Variants in PLXDC2 observed in about 807,000 individuals in gnomAD.
The protein encoded by PLXDC2 is plexin domain containing 2.
Under a neutral mutation model 68.9 loss-of-function variants are expected in PLXDC2, and 40 were observed. The ratio of observed to expected loss-of-function variants is 0.58; its 90% CI spans 0.45 to 0.76. The LOEUF (loss-of-function observed/expected upper bound fraction) is 0.76, where lower values mean the gene tolerates loss of function less well. PLXDC2 is among the 30% of genes least tolerant of loss of function. The probability of loss-of-function intolerance (pLI) is 0.00; values close to 1 mark genes in which losing one functional copy is unlikely to be tolerated. For synonymous variants in PLXDC2, 243 were observed against 234.2 expected, an observed-to-expected ratio of 1.04 and a Z score of -0.34; for missense variants, 644 against 661.9, an observed-to-expected ratio of 0.97 and a Z score of 0.30.
intron 1 of PLXDC2, among the ~76,000 whole-genome samples, chr10:19,944,845 G>A (rs1266865256): frequency 3.9e-5 from 6 of 152,132 alleles, no homozygotes; most frequent in Admixed American, 1.3e-4. Flanking sequence ...CCAGCCACTC[G>A]GGAGGCTGAG....
chr10:20,223,972 A>ATT (rs10561584), intron 12 of PLXDC2, among the ~76,000 whole-genome samples: 7 of 133,454 alleles, frequency 5.2e-5, no homozygotes, highest in East Asian at 4.5e-4. Context: ...CCTAGAATGT[A>ATT]TTTTTTTTTT....
At chr10:19,909,109 T>G (rs570193182) in intron 1 of PLXDC2, among the ~76,000 whole-genome samples, 254 of 152,216 alleles carry the variant, frequency 1.7e-3, no homozygotes, top group Non-Finnish European at 2.9e-3. Context: ...ATAGTGTGAG[T>G]TACTACTCAG....
At chr10:20,246,357 G>A (rs567966189) in intron 13 of PLXDC2, among the ~76,000 whole-genome samples, 1 of 152,016 alleles carries the variant, frequency 6.6e-6, no homozygotes, top group East Asian at 1.9e-4. Context: ...GGTTTTTTTT[G>A]TTTGTTTGTT....
At chr10:19,922,842 T>C (rs565367396) in intron 1 of PLXDC2, among the ~76,000 whole-genome samples, 4 of 152,218 alleles carry the variant, frequency 2.6e-5, no homozygotes, top group Non-Finnish European at 5.9e-5. Context: ...CACTGACTCA[T>C]TGAACTATTT....
chr10:19,929,188 G>A (rs1365278826), intron 1 of PLXDC2, among the ~76,000 whole-genome samples: 1 of 151,820 alleles, frequency 6.6e-6, no homozygotes, highest in Non-Finnish European at 1.5e-5. Context: ...ACACCAGCCT[G>A]GCCAATGTGG....
At chr10:20,182,826 C>A (rs1214046529) in intron 9 of PLXDC2, among the ~76,000 whole-genome samples, 1 of 151,926 alleles carries the variant, frequency 6.6e-6, no homozygotes, top group Non-Finnish European at 1.5e-5. Context: ...ACATATTTGT[C>A]CTACTGCTGT....
intron 6 of PLXDC2, among the ~76,000 whole-genome samples, chr10:20,149,709 A>G (rs930004164): frequency 6.6e-6 from 1 of 152,066 alleles, no homozygotes; most frequent in East Asian, 1.9e-4. Context: ...GCTAAGGATA[A>G]TGGCCTCCAG....
In PLXDC2 at chr10:20,285,109, TA is replaced by T. The variant is rs1370680106; in HGVS notation, c.*5291del. On this transcript the variant is annotated 3_prime_UTR_variant, in exon 14 of 14. Transcript: ENST00000377252. Reference sequence around the variant, plus strand: ...CTATATAGCTGATTTTCTGACCACATATATAATTGCAATTTTTATTTGCTCT... The same window carrying T: ...CTATATAGCTGATTTTCTGACCACATTATAATTGCAATTTTTATTTGCTCT... The T allele has an allele frequency of 5.9e-5, 9 of 152,232 alleles. No individual in the cohort carries two copies. The highest frequency in any genetic ancestry group is 5.2e-4 in the Admixed American group (8 of 15,286). The allele number at this position is 152,232 out of a possible 1,614,324, so 9.4% of individuals were successfully genotyped here.
In PLXDC2 at chr10:20,276,260, G is replaced by A. The variant is rs185837524; in HGVS notation, c.1474-3443G>A. Among the ~76,000 whole-genome samples the A allele has an allele frequency of 7.2e-5, 11 of 152,248 alleles. No homozygotes were observed. The South Asian group carries it at 1.7e-3, about 23-fold the overall frequency. On this transcript the variant is annotated intron_variant, in intron 13 of 13. Transcript: ENST00000377252. ...TCTAACCCAACACAAAACCCTCTCT[G>A]TGTTGCTCTCTGAACTGGAAGAAAG... is the stretch of plus-strand genomic sequence containing the variant.
intron 9 of PLXDC2, among the ~76,000 whole-genome samples, chr10:20,206,188 AAG>A (rs1295269871): frequency 1.3e-5 from 2 of 152,146 alleles, no homozygotes; most frequent in African/African-American, 2.4e-5. Context: ...TTCAAAAAAA[AAG>A]AAAAATAACT....
At chr10:19,826,453 G>A (rs1321161255) in intron 1 of PLXDC2, among the ~76,000 whole-genome samples, 1 of 152,040 alleles carries the variant, frequency 6.6e-6, no homozygotes, top group Non-Finnish European at 1.5e-5. Flanking sequence ...AAACAGGAGG[G>A]TCATTTTAGT....
At chr10:20,141,211 T>C (rs1276777253) in intron 4 of PLXDC2, among the ~76,000 whole-genome samples, 2 of 152,070 alleles carry the variant, frequency 1.3e-5, no homozygotes, top group Admixed American at 6.6e-5. Context: ...GATTTAAAAA[T>C]TGGGTTATTG....
At position 20,082,070 on chromosome 10, in the gene PLXDC2, A is replaced by AAAAAAAAAAAAAAAC. The variant is rs1554765383; in HGVS notation, c.541+13837_541+13838insAAAAAAAACAAAAAA. Reference sequence around the variant, plus strand: ...GAAAAAAAAAAAAAAAAATCAAAAAAAAAAAACAGGAGAAGTCTGAGAAAC... The same window carrying AAAAAAAAAAAAAAAC: ...GAAAAAAAAAAAAAAAAATCAAAAAAAAAAAAAAAAAAAACAAAAAACAGGAGAAGTCTGAGAAAC... On this transcript the variant is annotated intron_variant, in intron 4 of 13. Coordinates refer to ENST00000377252, the MANE Select transcript of PLXDC2 (RefSeq NM_032812.9). Among the ~76,000 whole-genome samples, 51 of 121,982 alleles carry AAAAAAAAAAAAAAAC rather than the reference A, an allele frequency of 4.2e-4. 5 individuals carry two copies. Among genetic ancestry groups the AAAAAAAAAAAAAAAC allele is most frequent in the South Asian group, 1.2e-3 (4 of 3,362 alleles). The allele number at this position is 121,982 out of a possible 152,430, so 80.0% of individuals were successfully genotyped here.
chr10:19,882,331 T>A (rs1837742912), intron 1 of PLXDC2, among the ~76,000 whole-genome samples: 1 of 152,076 alleles, frequency 6.6e-6, no homozygotes, highest in African/African-American at 2.4e-5. Context: ...AGTATGCCAA[T>A]AAAGACAAAG....
chr10:20,073,667 T>C, intron 4 of PLXDC2, among the ~76,000 whole-genome samples: 1 of 152,198 alleles, frequency 6.6e-6, no homozygotes, highest in East Asian at 1.9e-4. Context: ...TCTTTCTATG[T>C]CAAAAATACT....
intron 1 of PLXDC2, among the ~76,000 whole-genome samples, chr10:19,948,934 G>A (rs1034922290): frequency 7.3e-5 from 11 of 151,508 alleles, no homozygotes; most frequent in African/African-American, 1.2e-4. Context: ...GATCGAGATC[G>A]TCCTAGCCAA....
chr10:20,242,311 T>A (rs1835527086), intron 12 of PLXDC2, among the ~76,000 whole-genome samples: 1 of 152,196 alleles, frequency 6.6e-6, no homozygotes, highest in Non-Finnish European at 1.5e-5. Flanking sequence ...GTAATTTGTC[T>A]CAACCTGCCT....
intron 1 of PLXDC2, among the ~76,000 whole-genome samples, chr10:19,978,634 A>C (rs1035363892): frequency 1.3e-5 from 2 of 152,234 alleles, no homozygotes; most frequent in Admixed American, 1.3e-4. Flanking sequence ...AGTTTCAGAA[A>C]TATAGCAATA....
chr10:20,221,953 T>C lies in PLXDC2; in HGVS notation c.1312+2851T>C, dbSNP rs1014871479. On this transcript the variant is annotated intron_variant, in intron 12 of 13. Coordinates refer to ENST00000377252, the MANE Select transcript of PLXDC2 (RefSeq NM_032812.9). Reference sequence around the variant, plus strand: ...CTGTTTTTTAAAATAAGTTTTATTATGTATATTTGAGGTTTACAACATGAA... The same window carrying C: ...CTGTTTTTTAAAATAAGTTTTATTACGTATATTTGAGGTTTACAACATGAA... 1.4e-4 allele frequency among the ~76,000 whole-genome samples: 22 copies of C among 152,212 alleles called. 1 individual carries two copies. Among genetic ancestry groups the C allele is most frequent in the Non-Finnish European group, 4.4e-5 (3 of 68,040 alleles).
Sources: gnomAD v4.1 joint callset for allele counts (sites outside exome capture counted in the v4.1 genomes callset) on GRCh38, gnomAD v4.1.1 for gene constraint, MANE v1.5 for transcripts, NCBI Gene and HGNC (gene_info 2026-07-23, HGNC 2026-07-21) for gene names.